PARD3: variants seen among roughly 807,000 people sequenced by gnomAD.
PARD3 encodes the protein par-3 family cell polarity regulator.
In PARD3, 75 loss-of-function variants were observed where a neutral mutation model predicts 155.4. The observed-to-expected ratio is 0.48, with a 90% CI of 0.40 to 0.58. The LOEUF is 0.58. Among genes scored for constraint, PARD3 ranks in the 20% least tolerant of loss-of-function variants. The probability of loss-of-function intolerance (pLI) is 0.00; values close to 1 mark genes in which losing one functional copy is unlikely to be tolerated. For missense variants in PARD3, 1,642 were observed against 1,721.7 expected (o/e 0.95, Z 0.82); for synonymous variants, 576 against 610.5 (o/e 0.94, Z 0.83).
intron 1 of PARD3, among the ~76,000 whole-genome samples, chr10:34,714,775 A>ATTTTTT (rs35679032): frequency 6.9e-6 from 1 of 144,356 alleles, no homozygotes; most frequent in Non-Finnish European, 1.5e-5. Flanking sequence ...ACACATCAAA[A>ATTTTTT]TTTTTTTTTT....
At chr10:34,314,671 G>T (rs1324113298) in intron 20 of PARD3, among the ~76,000 whole-genome samples, 3 of 152,184 alleles carry the variant, frequency 2.0e-5, no homozygotes, top group Non-Finnish European at 4.4e-5. Context: ...CTACCAGCAT[G>T]ATGTCACTAA....
At chr10:34,779,916 T>G (rs1336607051) in intron 1 of PARD3, among the ~76,000 whole-genome samples, 1 of 152,240 alleles carries the variant, frequency 6.6e-6, no homozygotes, top group Non-Finnish European at 1.5e-5. Context: ...TGGGTCTGTC[T>G]TCTCTGAGTC....
intron 1 of PARD3, among the ~76,000 whole-genome samples, chr10:34,770,708 A>C (rs1050910837): frequency 6.6e-6 from 1 of 152,194 alleles, no homozygotes; most frequent in Non-Finnish European, 1.5e-5. Context: ...CTAATCTAGA[A>C]CTTTTGCTTT....
At position 34,703,256 on chromosome 10, in the gene PARD3, G is replaced by A. The variant is rs1412431179; in HGVS notation, c.121-6837C>T. Among the ~76,000 whole-genome samples the A allele has an allele frequency of 2.0e-5, 3 of 151,856 alleles. No homozygotes were observed. The East Asian group carries it at 5.8e-4, about 29-fold the overall frequency. ...CCATAAAAATAAGTCAGGTGTGGTG[G>A]CATGCACCCACAGTCCCAGCTACTC... On this transcript the variant is annotated intron_variant, in intron 1 of 24. Transcript: ENST00000374788.
chr10:34,800,642 A>G (rs1842762773), intron 1 of PARD3, among the ~76,000 whole-genome samples: 3 of 152,002 alleles, frequency 2.0e-5, no homozygotes, highest in African/African-American at 7.3e-5. Flanking sequence ...TAATAATGGT[A>G]ATACTACCAT....
chr10:34,481,390 C>T (rs2079073737), intron 3 of PARD3, among the ~76,000 whole-genome samples: 3 of 152,142 alleles, frequency 2.0e-5, no homozygotes, highest in Non-Finnish European at 4.4e-5. Flanking sequence ...CTCTTCCTGC[C>T]TCTCAGGCGA....
At chr10:34,546,615 G>C (rs2084091340) in intron 2 of PARD3, among the ~76,000 whole-genome samples, 2 of 150,850 alleles carry the variant, frequency 1.3e-5, no homozygotes, top group South Asian at 4.2e-4. Flanking sequence ...AATAACTACT[G>C]CAAAATACTG....
intron 22 of PARD3, among the ~76,000 whole-genome samples, chr10:34,238,186 T>C (rs1953357121): frequency 1.3e-5 from 2 of 152,206 alleles, no homozygotes; most frequent in Admixed American, 1.3e-4. Context: ...TCCAATACAA[T>C]TCTTTTCACT....
chr10:34,230,949 T>TCAGGAGTTCAAGGCTG (rs1386909922), intron 22 of PARD3, among the ~76,000 whole-genome samples: 1 of 151,954 alleles, frequency 6.6e-6, no homozygotes, highest in African/African-American at 2.4e-5. Context: ...TCTCTTGAGT[T>TCAGGAGTTCAAGGCTG]CAGGAGTTCA....
chr10:34,147,159 G>T (rs776888504), intron 22 of PARD3, among the ~76,000 whole-genome samples: 5 of 151,752 alleles, frequency 3.3e-5, no homozygotes, highest in Non-Finnish European at 5.9e-5. Context: ...AAAAAAGGAC[G>T]AAATTGAGTT....
chr10:34,203,113 A>G (rs1951298126), intron 22 of PARD3, among the ~76,000 whole-genome samples: 2 of 152,164 alleles, frequency 1.3e-5, no homozygotes, highest in Non-Finnish European at 2.9e-5. Flanking sequence ...GTGCCAAGAA[A>G]ATATGATGGT....
chr10:34,511,063 T>C (rs1369952604), intron 3 of PARD3, among the ~76,000 whole-genome samples: 1 of 152,184 alleles, frequency 6.6e-6, no homozygotes, highest in Non-Finnish European at 1.5e-5. Context: ...ACTTATAAAT[T>C]CCCTCTCCAT....
At chr10:34,466,996 T>C (rs2078047158) in intron 4 of PARD3, among the ~76,000 whole-genome samples, 1 of 152,104 alleles carries the variant, frequency 6.6e-6, no homozygotes, top group African/African-American at 2.4e-5. Flanking sequence ...AAAATATGTA[T>C]GTAGATCAAG....
At chr10:34,689,970 AG>A (rs2094023022) in intron 2 of PARD3, among the ~76,000 whole-genome samples, 1 of 151,960 alleles carries the variant, frequency 6.6e-6, no homozygotes, top group African/African-American at 2.4e-5. Flanking sequence ...TATGAGACAG[AG>A]TCTTGCTATG....
At chr10:34,128,240 TAC>T (rs1209236782) in intron 23 of PARD3, among the ~76,000 whole-genome samples, 2 of 152,162 alleles carry the variant, frequency 1.3e-5, no homozygotes, top group African/African-American at 2.4e-5. Context: ...GGTCCACTGA[TAC>T]ACAGAGTTTC....
intron 22 of PARD3, among the ~76,000 whole-genome samples, chr10:34,197,283 T>G (rs551728148): frequency 6.6e-6 from 1 of 152,172 alleles, no homozygotes; most frequent in East Asian, 1.9e-4. Flanking sequence ...TCACAGATGC[T>G]CTTCATGTGT....
intron 23 of PARD3, among the ~76,000 whole-genome samples, chr10:34,123,263 CTA>C (rs746063130): frequency 2.6e-5 from 4 of 151,926 alleles, no homozygotes; most frequent in Non-Finnish European, 5.9e-5. Context: ...TCTTCATGGC[CTA>C]TGTTTAAAAC....
chr10:34,467,110 T>G lies in PARD3; in HGVS notation c.582+2975A>C, dbSNP rs533465527. 2.8e-4 allele frequency among the ~76,000 whole-genome samples: 43 copies of G among 152,146 alleles called. No individual in the cohort carries two copies. In the East Asian group the frequency reaches 8.1e-3, roughly 29 times the overall value. ...AACAATTTTTAAGATAAATATTATA[T>G]TTAAGGATGTCTCACAACACTGATA... On this transcript the variant is annotated intron_variant, in intron 4 of 24. Coordinates refer to ENST00000374788, the MANE Select transcript of PARD3 (RefSeq NM_001184785.2).
chr10:34,737,845 G>A (rs1267675650), intron 1 of PARD3, among the ~76,000 whole-genome samples: 1 of 152,204 alleles, frequency 6.6e-6, no homozygotes, highest in Non-Finnish European at 1.5e-5. Context: ...AAACCAGCAT[G>A]AAACATCTAG....
Sources: gnomAD v4.1 joint callset for allele counts (sites outside exome capture counted in the v4.1 genomes callset) on GRCh38, gnomAD v4.1.1 for gene constraint, MANE v1.5 for transcripts, NCBI Gene and HGNC (gene_info 2026-07-23, HGNC 2026-07-21) for gene names.